The following LSM1 variants were observed in gnomAD, a reference collection of about 807,000 sequenced individuals.
LSM1 encodes U6 snRNA-associated Sm-like protein LSm1.
In LSM1, 13 loss-of-function variants were observed where a neutral mutation model predicts 18.0. The ratio of observed to expected loss-of-function variants is 0.72; its 90% CI spans 0.47 to 1.15. The LOEUF is 1.15. Among genes scored for constraint, LSM1 ranks in the 50% most tolerant of loss-of-function variants. The pLI, the probability that LSM1 is intolerant of heterozygous loss-of-function variation, is 0.00. For missense variants in LSM1, 152 were observed against 157.7 expected (o/e 0.96, Z 0.19); for synonymous variants, 46 against 56.0 (o/e 0.82, Z 0.80).
chr8:38,169,147 T>C (rs996492696), intron 3 of LSM1, among the ~76,000 whole-genome samples: 6 of 152,182 alleles, frequency 3.9e-5, no homozygotes, highest in Non-Finnish European at 8.8e-5. Context: ...CAAGATGAAA[T>C]CAAAGGTTTT....
intron 3 of LSM1, 112 bp downstream of exon 3, chr8:38,169,690 G>A (rs1395423457): frequency 1.1e-5 from 7 of 624,518 alleles, no homozygotes; most frequent in African/African-American, 3.8e-5. Context: ...AGTTGCCTAG[G>A]AGAAGCCAGA....
intron 3 of LSM1, 130 bp downstream of exon 3, chr8:38,169,672 A>T: frequency 1.8e-6 from 1 of 564,894 alleles, no homozygotes; most frequent in Non-Finnish European, 3.2e-6. Flanking sequence ...TCCCTAAATT[A>T]ATTTGGTAGT....
intron 2 of LSM1, chr8:38,170,922 C>T (rs1300080035): frequency 8.4e-6 from 3 of 357,632 alleles, no homozygotes; most frequent in African/African-American, 6.3e-5. Flanking sequence ...CTTCCATAAT[C>T]CTTTTAAGTG....
intron 3 of LSM1, among the ~76,000 whole-genome samples, chr8:38,164,411 G>A (rs1802893626): frequency 1.4e-5 from 2 of 146,456 alleles, no homozygotes; most frequent in Admixed American, 6.8e-5. Flanking sequence ...ATTAGTCCAC[G>A]ATTAATTTCC....
chr8:38,163,511 T>A lies in LSM1; in HGVS notation c.*159A>T. The A allele has an allele frequency of 1.6e-6, 1 of 609,122 alleles. No homozygotes were observed. The highest frequency in any genetic ancestry group is 2.7e-6 in the Non-Finnish European group (1 of 363,992). The allele number at this position is 609,122 out of a possible 1,614,324, so 37.7% of individuals were successfully genotyped here. A position where few individuals can be genotyped will look rare whatever the true frequency, so the allele number is the denominator to read the frequency against. ...TTTGTTATTAAAAAAAAAACCCACC[T>A]ACACGATTTCTTCATGTTGCATATG... On this transcript the variant is annotated 3_prime_UTR_variant, in exon 4 of 4. Transcript: ENST00000311351.
chr8:38,163,559 G>C lies in LSM1; in HGVS notation c.*111C>G. ...ATGTAAAATAATTAAAAATAAAAGT[G>C]ACTTTTCAAAACTCTACAGTCTGTG... On this transcript the variant is annotated 3_prime_UTR_variant, in exon 4 of 4. Coordinates refer to ENST00000311351, the MANE Select transcript of LSM1 (RefSeq NM_014462.3). 2.2e-6 allele frequency: 2 copies of C among 895,758 alleles called. No individual in the cohort carries two copies. 55.5% of individuals were successfully genotyped at this position (895,758 alleles called of 1,614,324 possible).
At chr8:38,170,165 G>A (rs1043159759) in intron 2 of LSM1, among the ~76,000 whole-genome samples, 4 of 152,052 alleles carry the variant, frequency 2.6e-5, no homozygotes, top group African/African-American at 7.2e-5. Context: ...CTCAGATTCC[G>A]GAGTAGCTGG....
At chr8:38,174,602 A>G (rs1404024424) in intron 1 of LSM1, among the ~76,000 whole-genome samples, 3 of 152,202 alleles carry the variant, frequency 2.0e-5, no homozygotes, top group African/African-American at 7.2e-5. Flanking sequence ...GATGAGGGCA[A>G]AAGAGCATCC....
In LSM1 at chr8:38,168,731, ATAAG is replaced by A. The variant is rs555217231; in HGVS notation, c.231+1067_231+1070del. Among the ~76,000 whole-genome samples the A allele has an allele frequency of 3.4e-4, 51 of 152,036 alleles. No homozygotes were observed. The South Asian group carries it at 9.7e-3, about 29-fold the overall frequency. On this transcript the variant is annotated intron_variant, in intron 3 of 3. Transcript: ENST00000311351. ...TATAAGTATTACTTATAAATATTTT[ATAAG>A]TAAGAAAAAGCTATTTCATATATTT...
intron 3 of LSM1, among the ~76,000 whole-genome samples, chr8:38,167,429 C>A (rs1802952715): frequency 6.6e-6 from 1 of 152,148 alleles, no homozygotes; most frequent in Admixed American, 6.5e-5. Context: ...GTAGCCTCGA[C>A]CTCCCTGAGC....
In LSM1 at chr8:38,171,003, C is replaced by T. The variant is rs139539590; in HGVS notation, c.115+962G>A. ...GATATCCAATAAATGTTAGCATGAA[C>T]ATGAAGTTCCTTGAAACAGAAGGAA... On this transcript the variant is annotated intron_variant, in intron 2 of 3. Transcript: ENST00000311351. The T allele has an allele frequency of 8.6e-4, 379 of 438,890 alleles. 2 individuals carry two copies. The Middle Eastern group carries it at 0.014, about 16-fold the overall frequency. 27.2% of individuals were successfully genotyped at this position (438,890 alleles called of 1,614,324 possible).
At chr8:38,173,198 A>G (rs962727969) in intron 1 of LSM1, among the ~76,000 whole-genome samples, 3 of 152,332 alleles carry the variant, frequency 2.0e-5, no homozygotes, top group Admixed American at 1.3e-4. Context: ...GGAAAAACAC[A>G]GTGACTCTGC....
At chr8:38,167,085 T>C (rs933329147) in intron 3 of LSM1, among the ~76,000 whole-genome samples, 2 of 152,176 alleles carry the variant, frequency 1.3e-5, no homozygotes, top group African/African-American at 4.8e-5. Flanking sequence ...CACATAACAA[T>C]GCAGGCATTC....
intron 2 of LSM1, 115 bp downstream of exon 2, chr8:38,171,850 A>C (rs891594249): frequency 4.0e-6 from 3 of 743,474 alleles, no homozygotes; most frequent in African/African-American, 3.5e-5. Context: ...AATCAGTCCT[A>C]CTAGGTCACA....
intron 3 of LSM1, among the ~76,000 whole-genome samples, chr8:38,164,218 C>G (rs925567639): frequency 6.6e-6 from 1 of 152,130 alleles, no homozygotes; most frequent in Non-Finnish European, 1.5e-5. Context: ...CCACGCCTGG[C>G]TAATTTTTGT....
In LSM1 at chr8:38,176,407, G is replaced by T; in HGVS notation, c.-87C>A. The T allele has an allele frequency of 1.8e-6, 2 of 1,086,026 alleles. No homozygotes were observed. The highest frequency in any genetic ancestry group is 1.4e-6 in the Non-Finnish European group (1 of 732,308). The allele number at this position is 1,086,026 out of a possible 1,614,324, so 67.3% of individuals were successfully genotyped here. A position where few individuals can be genotyped will look rare whatever the true frequency, so the allele number is the denominator to read the frequency against. On this transcript the variant is annotated 5_prime_UTR_variant, in exon 1 of 4. Coordinates refer to ENST00000311351, the MANE Select transcript of LSM1 (RefSeq NM_014462.3). ...CCCTCCTACCGCAGTCGCCGCCTCGGTGGGACCAAGCCCGGAATCCCGACC... is the reference window on the plus strand; with the variant it reads ...CCCTCCTACCGCAGTCGCCGCCTCGTTGGGACCAAGCCCGGAATCCCGACC...
Position 38,163,768 on chromosome 8 carries a change from C to T in LSM1, c.304G>A (p.Glu102Lys). ...TCTGCTTCCAGCTTGGTCTGCTGTT[C>T]CACCCTTTGTTCTTCTAGAATTTCT... is the stretch of plus-strand genomic sequence containing the variant. ...IEEILEEQRVEQQTKLEAEKL... is the reference protein window; with the variant it reads ...IEEILEEQRVKQQTKLEAEKL... The change falls in exon 4 of 4, where the codon GAA (glutamate) becomes AAA (lysine). Residue 102 changes from glutamate (E) to lysine (K), a missense_variant. Transcript: ENST00000311351. 1 of 1,614,132 alleles carries T rather than the reference C, an allele frequency of 6.2e-7. No individual in the cohort carries two copies. The highest frequency in any genetic ancestry group is 1.1e-5 in the South Asian group (1 of 91,072).
chr8:38,168,027 T>G (rs1365657269), intron 3 of LSM1, among the ~76,000 whole-genome samples: 3 of 151,394 alleles, frequency 2.0e-5, no homozygotes, highest in East Asian at 4.0e-4. Flanking sequence ...ACTGGCACGA[T>G]CTCGACTCAC....
chr8:38,171,956 A>C lies in LSM1; in HGVS notation c.115+9T>G, dbSNP rs759921716. On this transcript the variant is annotated intron_variant, in intron 2 of 3. Transcript: ENST00000311351. The stretch of plus-strand genomic sequence containing the variant: ...AGAGTATAAGAGATGTCCATAAATT[A>C]ATACATACCAAATTGATCAATGCTT... 5 of 1,588,732 alleles carry C rather than the reference A, an allele frequency of 3.1e-6. No individual in the cohort carries two copies. The highest frequency in any genetic ancestry group is 4.3e-6 in the Non-Finnish European group (5 of 1,161,432).
Sources: allele counts gnomAD v4.1 joint callset (sites outside exome capture counted in the v4.1 genomes callset), GRCh38; gene constraint gnomAD v4.1.1; transcripts MANE v1.5; gene names NCBI Gene and HGNC (gene_info 2026-07-23, HGNC 2026-07-21).